Variants in ILRUN observed in about 807,000 individuals in gnomAD.
The protein encoded by ILRUN is protein ILRUN.
Under a neutral mutation model 33.8 loss-of-function variants are expected in ILRUN, and 3 were observed. The ratio of observed to expected loss-of-function variants is 0.09; its 90% CI spans 0.04 to 0.23. The LOEUF (loss-of-function observed/expected upper bound fraction) is 0.23, where lower values mean the gene tolerates loss of function less well. Among genes scored for constraint, ILRUN ranks in the 10% least tolerant of loss-of-function variants. ILRUN has a pLI of 1.00. For synonymous variants in ILRUN, 124 were observed against 138.9 expected, an observed-to-expected ratio of 0.89 and a Z score of 0.75; for missense variants, 210 against 375.1, an observed-to-expected ratio of 0.56 and a Z score of 3.64.
chr6:34,688,099 A>G (rs149209982), intron 1 of ILRUN, among the ~76,000 whole-genome samples: 92 of 152,308 alleles, frequency 6.0e-4, no homozygotes, highest in African/African-American at 2.0e-3. Context: ...ATCAAGCCAT[A>G]AAAAAAGAGT....
chr6:34,616,875 CT>C, intron 3 of ILRUN: 1 of 666,946 alleles, frequency 1.5e-6, no homozygotes. Flanking sequence ...TTTAATGGAA[CT>C]TTTGTGAAGC....
At chr6:34,683,942 T>C (rs1430564018) in intron 1 of ILRUN, among the ~76,000 whole-genome samples, 4 of 151,982 alleles carry the variant, frequency 2.6e-5, no homozygotes, top group Non-Finnish European at 5.9e-5. Context: ...CAGGTGCCTG[T>C]GGTCCCAGCT....
intron 4 of ILRUN, among the ~76,000 whole-genome samples, chr6:34,605,318 CAA>C (rs78612898): frequency 2.6e-3 from 190 of 74,120 alleles, no homozygotes; most frequent in African/African-American, 8.4e-3. Flanking sequence ...AAAACAAAAA[CAA>C]AAAAAAAAAA....
chr6:34,615,872 T>G (rs753858600), intron 3 of ILRUN, among the ~76,000 whole-genome samples: 6 of 152,212 alleles, frequency 3.9e-5, no homozygotes, highest in Admixed American at 3.3e-4. Context: ...TAGGGTTACA[T>G]CAATGACTGT....
Position 34,606,662 on chromosome 6 carries a change from G to A in ILRUN, c.754C>T (p.Pro252Ser). The change falls in exon 4 of 5, where the codon CCT (proline) becomes TCT (serine). Residue 252 changes from proline to serine, a missense_variant. Pro to Ser is a moderately conservative substitution (Grantham distance 74). Coordinates refer to ENST00000374023, the MANE Select transcript of ILRUN (RefSeq NM_024294.4). ...TWAPAPDTWA[P>S]APDQTEQDQN... ...TCTTGCTCAGTTTGGTCAGGAGCAG[G>A]AGCCCATGTGTCAGGAGCAGGAGCC... 8.1e-6 allele frequency: 13 copies of A among 1,612,550 alleles called. No individual in the cohort carries two copies. The highest frequency in any genetic ancestry group is 1.1e-5 in the Non-Finnish European group (13 of 1,178,596).
Position 34,696,576 on chromosome 6 carries a change from G to A in ILRUN, c.28C>T (p.Pro10Ser), listed in dbSNP as rs1051190758. Residue 10 changes from proline to serine, a missense_variant, in exon 1 of 5, where the codon CCG becomes TCG. Pro to Ser is a moderately conservative substitution (Grantham distance 74). Around this residue, in one of 4 missense-constraint regions of ILRUN, gnomAD observed 61 missense variants for 94.4 expected, o/e 0.65. Transcript: ENST00000374023. ...CAGCTGAACTTCTGCATCAGCTCCG[G>A]GTCCAGGTCTACGTCCATGCCCTCC... The part of the protein sequence containing the change: MEGMDVDLD[P>S]ELMQKFSCLG... 15 of 1,612,202 alleles carry A rather than the reference G, an allele frequency of 9.3e-6. No individual in the cohort carries two copies. The highest frequency in any genetic ancestry group is 1.3e-5 in the Non-Finnish European group (15 of 1,179,822).
At chr6:34,593,804 A>C (rs1288059881) in intron 4 of ILRUN, among the ~76,000 whole-genome samples, 2 of 152,140 alleles carry the variant, frequency 1.3e-5, no homozygotes, top group African/African-American at 2.4e-5. Flanking sequence ...AGACTCCCCC[A>C]CACACAGTAT....
rs78612898 is a variant in ILRUN at position 34,605,318 on chromosome 6, C to CAA, written c.861+1235_861+1236dup. 3.0e-3 allele frequency among the ~76,000 whole-genome samples: 221 copies of CAA among 74,128 alleles called. 1 individual carries two copies. The highest frequency in any genetic ancestry group is 8.6e-3 in the Middle Eastern group (1 of 116). 48.6% of individuals were successfully genotyped at this position (74,128 alleles called of 152,430 possible). A position where few individuals can be genotyped will look rare whatever the true frequency, so the allele number is the denominator to read the frequency against. On this transcript the variant is annotated intron_variant, in intron 4 of 4. Transcript: ENST00000374023. The stretch of plus-strand genomic sequence containing the variant: ...CGAAACTCCGTCTCCAAAACAAAAA[C>CAA]AAAAAAAAAAAAAAAAAAAAAAAGG...
In ILRUN at chr6:34,595,853, G is replaced by C. The variant is rs1306549282; in HGVS notation, c.862-5253C>G. The C allele has an allele frequency of 8.1e-6, 8 of 985,338 alleles. No homozygotes were observed. In the African/African-American group the frequency reaches 1.4e-4, roughly 17 times the overall value. The allele number at this position is 985,338 out of a possible 1,614,324, so 61.0% of individuals were successfully genotyped here. A position where few individuals can be genotyped will look rare whatever the true frequency, so the allele number is the denominator to read the frequency against. On this transcript the variant is annotated intron_variant, in intron 4 of 4. Transcript: ENST00000374023. ...TTGGTGTATACTGATGGCATTATCG[G>C]ATAACACCATGAGGACCCTCCTCTT... is the stretch of plus-strand genomic sequence containing the variant.
intron 4 of ILRUN, among the ~76,000 whole-genome samples, chr6:34,593,828 T>C (rs1761342696): frequency 6.6e-6 from 1 of 152,118 alleles, no homozygotes; most frequent in Non-Finnish European, 1.5e-5. Flanking sequence ...AGGTGTCTCA[T>C]GTGGATCACA....
intron 3 of ILRUN, among the ~76,000 whole-genome samples, chr6:34,613,421 G>A (rs1761802990): frequency 6.6e-6 from 1 of 152,124 alleles, no homozygotes; most frequent in South Asian, 2.1e-4. Context: ...AGCATCAGAG[G>A]TCAAATCACA....
intron 1 of ILRUN, among the ~76,000 whole-genome samples, chr6:34,657,818 C>G (rs1343889495): frequency 2.0e-5 from 3 of 152,132 alleles, no homozygotes; most frequent in Non-Finnish European, 4.4e-5. Flanking sequence ...TATTCCTGTT[C>G]AAAACAACAT....
At chr6:34,626,114 T>A (rs1192277002) in intron 3 of ILRUN, among the ~76,000 whole-genome samples, 1 of 152,196 alleles carries the variant, frequency 6.6e-6, no homozygotes, top group Non-Finnish European at 1.5e-5. Context: ...CCTCCCGAAA[T>A]GCTGGGATTA....
intron 3 of ILRUN, among the ~76,000 whole-genome samples, chr6:34,614,441 A>AT (rs1210392851): frequency 0.01 from 1,175 of 111,988 alleles, 17 homozygotes; most frequent in East Asian, 0.016. Flanking sequence ...TAAAAAAAAA[A>AT]AAATATATAT....
chr6:34,623,228 T>G (rs1762044789), intron 3 of ILRUN, among the ~76,000 whole-genome samples: 1 of 152,244 alleles, frequency 6.6e-6, no homozygotes, highest in African/African-American at 2.4e-5. Flanking sequence ...CAATAAATTG[T>G]ATGTGTTATT....
rs1761522758 is a variant in ILRUN, at chr6:34,602,116, T to A, written c.861+4439A>T. On this transcript the variant is annotated intron_variant, in intron 4 of 4. Transcript: ENST00000374023. Reference sequence around the variant, plus strand: ...TATGGCATATACCAGCCTCGAACACTTTTTTTTTTAAAGAAAGAACAAACA... The same window carrying A: ...TATGGCATATACCAGCCTCGAACACATTTTTTTTTAAAGAAAGAACAAACA... Among the ~76,000 whole-genome samples the A allele has an allele frequency of 2.0e-5, 3 of 149,154 alleles. No homozygotes were observed. The South Asian group carries it at 6.4e-4, about 32-fold the overall frequency.
intron 1 of ILRUN, among the ~76,000 whole-genome samples, chr6:34,695,863 A>T (rs1581567603): frequency 7.8e-6 from 1 of 128,034 alleles, no homozygotes; most frequent in Non-Finnish European, 1.6e-5. Context: ...GTCTTCCCCC[A>T]TAATATCACC....
chr6:34,628,215 T>A (rs1762177624), intron 3 of ILRUN, among the ~76,000 whole-genome samples: 1 of 151,836 alleles, frequency 6.6e-6, no homozygotes, highest in African/African-American at 2.4e-5. Context: ...GAGACGAGGT[T>A]TCACCATGTT....
chr6:34,617,544 C>T (rs1761921258), intron 3 of ILRUN, among the ~76,000 whole-genome samples: 1 of 152,148 alleles, frequency 6.6e-6, no homozygotes, highest in Non-Finnish European at 1.5e-5. Flanking sequence ...ATTCTTTCAC[C>T]ACATCTGTCA....
Sources: gnomAD v4.1 joint callset for allele counts (sites outside exome capture counted in the v4.1 genomes callset) on GRCh38, gnomAD v4.1.1 for gene constraint, gnomAD v4.1.1 regional missense constraint, MANE v1.5 for transcripts, NCBI Gene and HGNC (gene_info 2026-07-23, HGNC 2026-07-21) for gene names.